The following TFRC variants were observed in gnomAD, a reference collection of about 807,000 sequenced individuals.
TFRC encodes the protein transferrin receptor, also known as transferrin receptor protein 1.
Under a neutral mutation model 85.8 loss-of-function variants are expected in TFRC, and 35 were observed. The observed-to-expected ratio is 0.41, with a 90% confidence interval of 0.31 to 0.54. The LOEUF (loss-of-function observed/expected upper bound fraction) is 0.54, where lower values mean the gene tolerates loss of function less well. Among genes scored for constraint, TFRC ranks in the 20% least tolerant of loss-of-function variants. TFRC has a pLI of 0.31. For synonymous variants in TFRC, 362 were observed against 328.6 expected (o/e 1.10, Z -1.10); for missense variants, 828 against 921.5 (o/e 0.90, Z 1.31).
intron 16 of TFRC, among the ~76,000 whole-genome samples, chr3:196,055,860 C>T (rs1307985151): frequency 1.3e-5 from 2 of 148,734 alleles, no homozygotes; most frequent in Non-Finnish European, 3.0e-5. Flanking sequence ...AGCCTTGAGA[C>T]GAGGTCTCTC....
chr3:196,069,653 A>T (rs1718030382), intron 6 of TFRC, 85 bp from the exon 7 acceptor site: 1 of 811,328 alleles, frequency 1.2e-6, no homozygotes, highest in South Asian at 2.0e-5. Context: ...TATAGATCAA[A>T]CCTAAGACAG....
chr3:196,063,002 A>T (rs1717413053), intron 11 of TFRC, 63 bp from the exon 12 acceptor site: 2 of 1,369,274 alleles, frequency 1.5e-6, no homozygotes, highest in Non-Finnish European at 2.1e-6. Context: ...GATGGAAGGT[A>T]TCCCACTTAA....
chr3:196,053,114 CA>C (rs202084265), intron 18 of TFRC, among the ~76,000 whole-genome samples: 96 of 139,758 alleles, frequency 6.9e-4, no homozygotes, highest in Admixed American at 8.6e-4. Flanking sequence ...AACTCTGTCT[CA>C]AAAAAAAAAA....
intron 14 of TFRC, among the ~76,000 whole-genome samples, chr3:196,059,804 T>A (rs1031041070): frequency 7.7e-6 from 1 of 129,204 alleles, no homozygotes; most frequent in Non-Finnish European, 1.5e-5. Flanking sequence ...TTTCACATGC[T>A]CTCCCTCATT....
chr3:196,062,667 TA>T, intron 12 of TFRC, 22 bp from the exon 13 acceptor site: 1 of 1,591,976 alleles, frequency 6.3e-7, no homozygotes, highest in Middle Eastern at 1.7e-4. Flanking sequence ...GGGAAAACAC[TA>T]ATAAGTATAA....
intron 11 of TFRC, among the ~76,000 whole-genome samples, chr3:196,064,097 A>C (rs1429030381): frequency 6.6e-6 from 1 of 152,206 alleles, no homozygotes; most frequent in East Asian, 1.9e-4. Flanking sequence ...GTCTCAAAGA[A>C]ACTGGTGATT....
At chr3:196,064,537 T>C (rs1267183378) in intron 10 of TFRC, 109 bp from the exon 11 acceptor site, 3 of 962,330 alleles carry the variant, frequency 3.1e-6, no homozygotes, top group African/African-American at 1.7e-5. Context: ...GTATTAAGGA[T>C]AAAAGAGCCT....
intron 1 of TFRC, among the ~76,000 whole-genome samples, chr3:196,077,657 C>T (rs1307935222): frequency 6.6e-6 from 1 of 151,972 alleles, no homozygotes; most frequent in African/African-American, 2.4e-5. Flanking sequence ...GAGCCTGAGG[C>T]AGGAGAATGG....
intron 16 of TFRC, among the ~76,000 whole-genome samples, chr3:196,056,217 G>T (rs1716782525): frequency 6.6e-6 from 1 of 152,136 alleles, no homozygotes; most frequent in Non-Finnish European, 1.5e-5. Flanking sequence ...TTTTTGTAGA[G>T]ATATAGTCTA....
rs757471820 is a variant in TFRC, at chr3:196,075,327, T to A, written c.70A>T (p.Ser24Cys). 1 of 1,614,180 alleles carries A rather than the reference T, an allele frequency of 6.2e-7. No individual in the cohort carries two copies. The highest frequency in any genetic ancestry group is 8.5e-7 in the Non-Finnish European group (1 of 1,180,028). Reference protein sequence around the residue: ...GGEPLSYTRFSLARQVDGDNS... With the variant: ...GGEPLSYTRFCLARQVDGDNS... ...TCGCCATCTACTTGCCGAGCCAGGC[T>A]GAACCGGGTATATGACAATGGTTCT... The change falls in exon 3 of 19, where the codon AGC becomes TGC. Residue 24 changes from serine (S) to cysteine (C), a missense_variant. By Grantham distance (112) the Ser-to-Cys change is moderately radical. Coordinates refer to ENST00000360110, the MANE Select transcript of TFRC (RefSeq NM_001128148.3).
At chr3:196,073,230 GTAAA>G (rs1182147682) in intron 4 of TFRC, among the ~76,000 whole-genome samples, 1 of 146,952 alleles carries the variant, frequency 6.8e-6, no homozygotes, top group Non-Finnish European at 1.5e-5. Flanking sequence ...AAATAAATAA[GTAAA>G]TAAATAAAAA....
intron 8 of TFRC, 57 bp downstream of exon 8, chr3:196,067,975 G>T: frequency 7.1e-7 from 1 of 1,402,232 alleles, no homozygotes; most frequent in Non-Finnish European, 1.0e-6. Context: ...GCTAATACAG[G>T]AATCCAAGAA....
At chr3:196,062,731 A>C in intron 12 of TFRC, 86 bp from the exon 13 acceptor site, 1 of 1,544,402 alleles carries the variant, frequency 6.5e-7, no homozygotes, top group Admixed American at 1.8e-5. Flanking sequence ...TCAATTCTGG[A>C]CTCTACTGAG....
chr3:196,052,104 G>A lies in TFRC; in HGVS notation c.2121C>T (p.His707=). 6.2e-7 allele frequency: 1 copy of A among 1,614,104 alleles called. No individual in the cohort carries two copies. The highest frequency in any genetic ancestry group is 8.5e-7 in the Non-Finnish European group (1 of 1,180,030). The change falls in exon 19 of 19, where the codon CAC becomes CAT. Residue 707 remains histidine, a synonymous_variant. Transcript: ENST00000360110. Reference sequence around the variant, plus strand: ...AGTTCTCCAGTAAAGCTGGCAGCGTGTGAGAGCCGGAGCCCCAGAAGACAT... The same window carrying A: ...AGTTCTCCAGTAAAGCTGGCAGCGTATGAGAGCCGGAGCCCCAGAAGACAT... The part of the protein sequence containing the change: ...FRHVFWGSGS[H]TLPALLENLK...
intron 1 of TFRC, among the ~76,000 whole-genome samples, chr3:196,080,689 G>A (rs1444623154): frequency 1.3e-5 from 2 of 152,224 alleles, no homozygotes; most frequent in Non-Finnish European, 2.9e-5. Context: ...CTTCAACACA[G>A]GCTAGGTTTA....
At chr3:196,070,774 A>AAAT (rs58386151) in intron 6 of TFRC, among the ~76,000 whole-genome samples, 26,516 of 135,622 alleles carry the variant, frequency 0.2, 2,770 homozygotes, top group Non-Finnish European at 0.23. Context: ...TGTCTCTACC[A>AAAT]AATAATAATA....
chr3:196,055,074 G>A lies in TFRC; in HGVS notation c.1899+6C>T, dbSNP rs1177047874. On this transcript the variant is annotated splice_donor_region_variant and intron_variant, in intron 17 of 18. Coordinates refer to ENST00000360110, the MANE Select transcript of TFRC (RefSeq NM_001128148.3). ...AAATAAAAACGTAATTGGAATCAGT[G>A]CTCACCTTTATGTCTGCTCTGTATT... is the stretch of plus-strand genomic sequence containing the variant. 6 of 1,613,180 alleles carry A rather than the reference G, an allele frequency of 3.7e-6. No homozygotes were observed. The African/African-American group carries it at 8.0e-5, about 22-fold the overall frequency.
At position 196,059,614 on chromosome 3, in the gene TFRC, A is replaced by T. The variant is rs41297503; in HGVS notation, c.1536+566T>A. Among the ~76,000 whole-genome samples, 1,002 of 150,468 alleles carry T rather than the reference A, an allele frequency of 6.7e-3. 6 individuals are homozygous for T. The highest frequency in any genetic ancestry group is 0.021 in the African/African-American group (870 of 40,616). ...TATTTTCTTTTTTATTTATTTATTT[A>T]TTTTTTTTTTAATTATACTTTAAAT... is the stretch of plus-strand genomic sequence containing the variant. On this transcript the variant is annotated intron_variant, in intron 14 of 18. Transcript: ENST00000360110.
intron 6 of TFRC, 96 bp from the exon 7 acceptor site, chr3:196,069,664 G>A: frequency 5.8e-6 from 4 of 691,434 alleles, no homozygotes; most frequent in Non-Finnish European, 7.1e-6. Flanking sequence ...CCTAAGACAG[G>A]CAACCCAAGT....
Sources: allele counts gnomAD v4.1 joint callset (sites outside exome capture counted in the v4.1 genomes callset), GRCh38; gene constraint gnomAD v4.1.1; transcripts MANE v1.5; gene names NCBI Gene and HGNC (gene_info 2026-07-23, HGNC 2026-07-21).